Variants in FOXK1 observed in about 807,000 individuals in gnomAD.
The protein encoded by FOXK1 is forkhead box protein K1.
FOXK1 carries 19 observed loss-of-function variants against 51.9 expected under a neutral mutation model. That is an observed-to-expected ratio of 0.37 (90% confidence interval 0.26 to 0.54). The LOEUF is 0.54. Among genes scored for constraint, FOXK1 ranks in the 20% least tolerant of loss-of-function variants. The pLI, the probability that FOXK1 is intolerant of heterozygous loss-of-function variation, is 0.87. For synonymous variants in FOXK1, 537 were observed against 482.6 expected (o/e 1.11, Z -1.48); for missense variants, 870 against 1,032.7 (o/e 0.84, Z 2.16).
Position 4,703,388 on chromosome 7 carries a change from G to A in FOXK1, c.560+20520G>A, listed in dbSNP as rs931447136. Among the ~76,000 whole-genome samples, 29 of 152,296 alleles carry A rather than the reference G, an allele frequency of 1.9e-4. No individual in the cohort carries two copies. The highest frequency in any genetic ancestry group is 2.6e-4 in the Non-Finnish European group (18 of 68,016). ...CTCTCAGGGGATGGGAGGACAACTC[G>A]CTGAAGTTCGTGGCCCCAAGACATG... is the stretch of plus-strand genomic sequence containing the variant. On this transcript the variant is annotated intron_variant, in intron 1 of 8. Transcript: ENST00000328914. The surrounding 1 kb of genome is among the most constrained non-coding windows in gnomAD (Gnocchi z 5.6).
chr7:4,683,998 A>G lies in FOXK1; in HGVS notation c.560+1130A>G, dbSNP rs1779786905. Among the ~76,000 whole-genome samples the G allele has an allele frequency of 6.6e-6, 1 of 152,138 alleles. No homozygotes were observed. ...CCCGGGCCCGAGGTCACCAGGGCAG[A>G]GAGACCCAGCTGGGCCTGGACGGCT... On this transcript the variant is annotated intron_variant, in intron 1 of 8. Transcript: ENST00000328914. This position sits in a 1 kb window ranked among gnomAD's most constrained non-coding sequence, Gnocchi z 4.5.
In FOXK1 at chr7:4,735,823, A is replaced by C. The variant is rs1486770574; in HGVS notation, c.561-5015A>C. Among the ~76,000 whole-genome samples, 1 of 152,194 alleles carries C rather than the reference A, an allele frequency of 6.6e-6. No homozygotes were observed. Among genetic ancestry groups the C allele is most frequent in the Non-Finnish European group, 1.5e-5 (1 of 68,036 alleles). On this transcript the variant is annotated intron_variant, in intron 1 of 8. Coordinates refer to ENST00000328914, the MANE Select transcript of FOXK1 (RefSeq NM_001037165.2). The surrounding 1 kb of genome is among the most constrained non-coding windows in gnomAD (Gnocchi z 4.7). Reference sequence around the variant, plus strand: ...ATCAAGATATTACAGGGAGAGATGTAACTGGCAAACTCCCTGAGCATGCTG... The same window carrying C: ...ATCAAGATATTACAGGGAGAGATGTCACTGGCAAACTCCCTGAGCATGCTG...
At chr7:4,686,153 G>T (rs535720799) in intron 1 of FOXK1, among the ~76,000 whole-genome samples, 11 of 152,242 alleles carry the variant, frequency 7.2e-5, no homozygotes, top group African/African-American at 2.6e-4. Context: ...ACTGCTACTG[G>T]AAATTGTGAA....
chr7:4,699,913 G>T (rs1780000315), intron 1 of FOXK1, among the ~76,000 whole-genome samples: 2 of 152,114 alleles, frequency 1.3e-5, no homozygotes, highest in African/African-American at 4.8e-5. Context: ...CAGTATCTTA[G>T]ATCTCATTTC....
In FOXK1 at chr7:4,682,983, C is replaced by A; in HGVS notation, c.560+115C>A. The A allele has an allele frequency of 9.2e-7, 1 of 1,091,726 alleles. No individual in the cohort carries two copies. Among genetic ancestry groups the A allele is most frequent in the Non-Finnish European group, 1.2e-6 (1 of 808,274 alleles). 67.6% of individuals were successfully genotyped at this position (1,091,726 alleles called of 1,614,324 possible). A position where few individuals can be genotyped will look rare whatever the true frequency, so the allele number is the denominator to read the frequency against. On this transcript the variant is annotated intron_variant, in intron 1 of 8. Coordinates refer to ENST00000328914, the MANE Select transcript of FOXK1 (RefSeq NM_001037165.2). This position sits in a 1 kb window ranked among gnomAD's most constrained non-coding sequence, Gnocchi z 7.6. ...CTTCCTCGGCCTCGACCCCCACCCC[C>A]CGGCCCACCCCCGGTAACCCCCGAC... is the stretch of plus-strand genomic sequence containing the variant.
At chr7:4,713,488 GTT>G (rs56251793) in intron 1 of FOXK1, among the ~76,000 whole-genome samples, 3 of 147,466 alleles carry the variant, frequency 2.0e-5, no homozygotes, top group African/African-American at 7.5e-5. Flanking sequence ...TAACCACCGT[GTT>G]TTTTTTTTTG....
rs112340716 is a variant in FOXK1 at position 4,754,693 on chromosome 7, C to T, written c.903+78C>T. The T allele has an allele frequency of 3.1e-5, 47 of 1,501,520 alleles. 2 individuals carry two copies. The African/African-American group carries it at 5.5e-4, about 18-fold the overall frequency. The allele number at this position is 1,501,520 out of a possible 1,614,324, so 93.0% of individuals were successfully genotyped here. A position where few individuals can be genotyped will look rare whatever the true frequency, so the allele number is the denominator to read the frequency against. On this transcript the variant is annotated intron_variant, in intron 3 of 8. Coordinates refer to ENST00000328914, the MANE Select transcript of FOXK1 (RefSeq NM_001037165.2). ...AGTGACCCGGCGCGGGCGGCACAGA[C>T]AGCCCAGGGCCTGCGGGCGTGTGCT...
Position 4,731,536 on chromosome 7 carries a change from C to T in FOXK1, c.561-9302C>T, listed in dbSNP as rs2115055196. On this transcript the variant is annotated intron_variant, in intron 1 of 8. Coordinates refer to ENST00000328914, the MANE Select transcript of FOXK1 (RefSeq NM_001037165.2). The surrounding 1 kb of genome is among the most constrained non-coding windows in gnomAD (Gnocchi z 5.3). ...GCACTTTGGGAGGCCAAAGCGGGTG[C>T]ATCACCTGAGGTCAGGAGTTCAAGA... 6.6e-6 allele frequency among the ~76,000 whole-genome samples: 1 copy of T among 152,194 alleles called. No individual in the cohort carries two copies. The highest frequency in any genetic ancestry group is 6.5e-5 in the Admixed American group (1 of 15,292).
intron 1 of FOXK1, among the ~76,000 whole-genome samples, chr7:4,695,599 C>T (rs188905025): frequency 1.3e-5 from 2 of 151,966 alleles, no homozygotes; most frequent in Admixed American, 1.3e-4. Flanking sequence ...GTCAGGAGTT[C>T]GACACCACCC....
intron 1 of FOXK1, among the ~76,000 whole-genome samples, chr7:4,736,472 G>C (rs1780553850): frequency 6.6e-6 from 1 of 151,256 alleles, no homozygotes; most frequent in Non-Finnish European, 1.5e-5. Context: ...GAGTGCAGTG[G>C]TGCGTTCTCA....
chr7:4,714,735 T>C (rs1466204649), intron 1 of FOXK1, among the ~76,000 whole-genome samples: 1 of 152,236 alleles, frequency 6.6e-6, no homozygotes, highest in Admixed American at 6.5e-5. Context: ...GGTTCAAAAC[T>C]CAAAAGGTAT....
chr7:4,747,777 A>G lies in FOXK1; in HGVS notation c.747-6682A>G, dbSNP rs1780724648. The stretch of plus-strand genomic sequence containing the variant: ...ACTCCTGGCCTCAAGCAGTCTTCCC[A>G]CCTTGACCTCCCAAAGTGCCAAGAT... On this transcript the variant is annotated intron_variant, in intron 2 of 8. Coordinates refer to ENST00000328914, the MANE Select transcript of FOXK1 (RefSeq NM_001037165.2). This position sits in a 1 kb window ranked among gnomAD's most constrained non-coding sequence, Gnocchi z 9.2. 6.6e-6 allele frequency among the ~76,000 whole-genome samples: 1 copy of G among 151,884 alleles called. No individual in the cohort carries two copies.
Position 4,755,341 on chromosome 7 carries a change from C to A in FOXK1, c.1008C>A (p.Thr336=), listed in dbSNP as rs1222102781. The A allele has an allele frequency of 6.2e-7, 1 of 1,613,806 alleles. No individual in the cohort carries two copies. Among genetic ancestry groups the A allele is most frequent in the South Asian group, 1.1e-5 (1 of 91,082 alleles). Reference sequence around the variant, plus strand: ...TGAGCGGGATCTACGCCCACATCACCAAGCATTACCCCTACTACCGGACGG... The same window carrying A: ...TGAGCGGGATCTACGCCCACATCACAAAGCATTACCCCTACTACCGGACGG... ...LTLSGIYAHI[T]KHYPYYRTAD... The change falls in exon 4 of 9, where the codon ACC becomes ACA. Residue 336 remains threonine (T), a synonymous_variant. Transcript: ENST00000328914. The surrounding 1 kb of genome is among the most constrained non-coding windows in gnomAD (Gnocchi z 6.6).
At position 4,682,862 on chromosome 7, in the gene FOXK1, C is replaced by T; in HGVS notation, c.554C>T (p.Pro185Leu). The change falls in exon 1 of 9, where the codon CCC (proline) becomes CTC (leucine). Residue 185 changes from proline to leucine, a missense_variant. Physicochemically the swap from Pro to Leu is moderately conservative, Grantham distance 98 (BLOSUM62 -3). Transcript: ENST00000328914. The surrounding 1 kb of genome is among the most constrained non-coding windows in gnomAD (Gnocchi z 7.6). Reference sequence around the variant, plus strand: ...CGCGGCGCGCCCGCCCTGCAGCTGCCCAAGCAGTGAGTGGCCCCGCGACCC... The same window carrying T: ...CGCGGCGCGCCCGCCCTGCAGCTGCTCAAGCAGTGAGTGGCCCCGCGACCC... ...QRRGAPALQL[P>L]KQCTFRFPST... 13 of 1,526,578 alleles carry T rather than the reference C, an allele frequency of 8.5e-6. No homozygotes were observed. Among genetic ancestry groups the T allele is most frequent in the Non-Finnish European group, 1.1e-5 (13 of 1,139,928 alleles). The allele number at this position is 1,526,578 out of a possible 1,614,324, so 94.6% of individuals were successfully genotyped here.
chr7:4,682,492 C>CCGGGCGCGATCG lies in FOXK1; in HGVS notation c.193_204dup (p.Ile65_Ala68dup), dbSNP rs1334689612. ...GCCGCCGCCGCCACCGCCGCTGCCT[C>CCGGGCGCGATCG]CGGGCGCGATCGCGGGCGCGGGCTC... is the stretch of plus-strand genomic sequence containing the variant. On this transcript the variant is annotated inframe_insertion, in exon 1 of 9. Coordinates refer to ENST00000328914, the MANE Select transcript of FOXK1 (RefSeq NM_001037165.2). The surrounding 1 kb of genome is among the most constrained non-coding windows in gnomAD (Gnocchi z 7.6). 10 of 1,014,462 alleles carry CCGGGCGCGATCG rather than the reference C, an allele frequency of 9.9e-6. No homozygotes were observed. In the African/African-American group the frequency reaches 1.4e-4, roughly 14 times the overall value. The allele number at this position is 1,014,462 out of a possible 1,614,324, so 62.8% of individuals were successfully genotyped here.
chr7:4,732,265 T>A (rs1382148173), intron 1 of FOXK1, among the ~76,000 whole-genome samples: 5 of 152,210 alleles, frequency 3.3e-5, no homozygotes, highest in Non-Finnish European at 5.9e-5. Context: ...CCAGTTTGGC[T>A]GATGAGGGAA....
chr7:4,682,394 C>T lies in FOXK1; in HGVS notation c.86C>T (p.Ala29Val). The T allele has an allele frequency of 1.0e-6, 1 of 978,776 alleles. No individual in the cohort carries two copies. The highest frequency in any genetic ancestry group is 1.2e-6 in the Non-Finnish European group (1 of 826,266). 60.6% of individuals were successfully genotyped at this position (978,776 alleles called of 1,614,324 possible). Residue 29 changes from alanine (A) to valine (V), a missense_variant, in exon 1 of 9, where the codon GCC becomes GTC. By Grantham distance (64) the Ala-to-Val change is moderately conservative (BLOSUM62 0). Transcript: ENST00000328914. The surrounding 1 kb of genome is among the most constrained non-coding windows in gnomAD (Gnocchi z 7.6). ...APCSPVLCAAAAAAAFPAAAP... is the reference protein window; with the variant it reads ...APCSPVLCAAVAAAAFPAAAP... ...TGCAGCCCAGTGCTGTGCGCCGCAG[C>T]CGCCGCCGCCGCCTTCCCCGCGGCC...
At chr7:4,700,083 C>A (rs540029297) in intron 1 of FOXK1, among the ~76,000 whole-genome samples, 32 of 152,320 alleles carry the variant, frequency 2.1e-4, no homozygotes, top group Admixed American at 2.0e-3. Context: ...CGTCAGGAGG[C>A]CTTCCCCGGT....
chr7:4,761,338 C>T lies in FOXK1; in HGVS notation c.1921+50C>T, dbSNP rs1780930339. On this transcript the variant is annotated intron_variant, in intron 8 of 8. Transcript: ENST00000328914. The surrounding 1 kb of genome is among the most constrained non-coding windows in gnomAD (Gnocchi z 6.2). ...TGCCACATCCCAAGCTCTGTGGCTC[C>T]CAGTAGTCAGTGCGGCATGAGAATG... 2 of 1,546,780 alleles carry T rather than the reference C, an allele frequency of 1.3e-6. No homozygotes were observed. The highest frequency in any genetic ancestry group is 2.7e-5 in the African/African-American group (2 of 73,602).
Sources: allele counts gnomAD v4.1 joint callset (sites outside exome capture counted in the v4.1 genomes callset), GRCh38; gene constraint gnomAD v4.1.1; non-coding constraint Gnocchi (gnomAD v3.1); transcripts MANE v1.5; gene names NCBI Gene and HGNC (gene_info 2026-07-23, HGNC 2026-07-21).